The following PDCD5 variants were observed in gnomAD, a reference collection of about 807,000 sequenced individuals.
PDCD5 encodes programmed cell death protein 5.
PDCD5 carries 23 observed loss-of-function variants against 21.9 expected under a neutral mutation model. The observed-to-expected ratio is 1.05, with a 90% CI of 0.76 to 1.49. The LOEUF is 1.49. PDCD5 is among the 40% of genes most tolerant of loss of function. The pLI is 0.00. For synonymous variants in PDCD5, 45 were observed against 49.4 expected (o/e 0.91, Z 0.37); for missense variants, 152 against 147.7 (o/e 1.03, Z -0.15).
chr19:32,586,945 T>TG lies in PDCD5; in HGVS notation c.330+17dup. ...AACAGTGAAAGTAAGTGTCCCCAGA[T>TG]GCTTGTGGCAAATGAAAAGATGGAT... On this transcript the variant is annotated intron_variant, in intron 5 of 5. Coordinates refer to ENST00000590247, the MANE Select transcript of PDCD5 (RefSeq NM_004708.4). 6.3e-7 allele frequency: 1 copy of TG among 1,580,142 alleles called. No individual in the cohort carries two copies. Among genetic ancestry groups the TG allele is most frequent in the Non-Finnish European group, 8.6e-7 (1 of 1,158,182 alleles).
At position 32,586,838 on chromosome 19, in the gene PDCD5, ATCTTTTC is replaced by A. The variant is rs1971481784; in HGVS notation, c.259-18_259-12del. The A allele has an allele frequency of 1.9e-6, 3 of 1,591,774 alleles. No individual in the cohort carries two copies. Among genetic ancestry groups the A allele is most frequent in the Non-Finnish European group, 2.6e-6 (3 of 1,174,060 alleles). On this transcript the variant is annotated splice_polypyrimidine_tract_variant and intron_variant, in intron 4 of 5. Transcript: ENST00000590247. Reference sequence around the variant, plus strand: ...TGTTTAAAAAAGTACTGTTTTTCTTATCTTTTCTGGTTCTCCTAGGTATCAGAACAAG... The same window carrying A: ...TGTTTAAAAAAGTACTGTTTTTCTTATGGTTCTCCTAGGTATCAGAACAAG...
chr19:32,581,678 T>C, intron 1 of PDCD5: 1 of 228,534 alleles, frequency 4.4e-6, no homozygotes, highest in Non-Finnish European at 8.4e-6. Flanking sequence ...GTTCAGTTGT[T>C]ATGACCCAAG....
At chr19:32,587,204 G>A (rs753226051) in intron 5 of PDCD5, 49 bp from the exon 6 acceptor site, 22 of 1,371,072 alleles carry the variant, frequency 1.6e-5, no homozygotes, top group African/African-American at 1.4e-5. Flanking sequence ...GAAAATCTGA[G>A]TTATGCTTTA....
At chr19:32,585,709 G>A (rs888767) in intron 3 of PDCD5, 107 bp from the exon 4 acceptor site, 617,709 of 701,276 alleles carry the variant, frequency 0.88, 272,748 homozygotes, top group East Asian at 1. Context: ...CTACACTGAG[G>A]GACAAGCTTG....
intron 4 of PDCD5, chr19:32,586,426 A>G: frequency 8.8e-7 from 1 of 1,131,132 alleles, no homozygotes; most frequent in Non-Finnish European, 1.1e-6. Flanking sequence ...CACACTGAGA[A>G]CTGCTTGTGT....
chr19:32,585,631 A>G (rs1971468654), intron 3 of PDCD5, among the ~76,000 whole-genome samples, 185 bp from the exon 4 acceptor site: 1 of 152,226 alleles, frequency 6.6e-6, no homozygotes, highest in Non-Finnish European at 1.5e-5. Flanking sequence ...CCATGTGCCC[A>G]TGTGGAGATT....
In PDCD5 at chr19:32,582,065, C is replaced by T. The variant is rs1053210223; in HGVS notation, c.67-130C>T. The T allele has an allele frequency of 4.3e-6, 3 of 691,340 alleles. No homozygotes were observed. In the African/African-American group the frequency reaches 5.5e-5, roughly 13 times the overall value. The allele number at this position is 691,340 out of a possible 1,614,324, so 42.8% of individuals were successfully genotyped here. On this transcript the variant is annotated intron_variant, in intron 1 of 5. Coordinates refer to ENST00000590247, the MANE Select transcript of PDCD5 (RefSeq NM_004708.4). Reference sequence around the variant, plus strand: ...CTAGTTCATTGATTTCTGTGAGGCCCAGTTTCTTATTTGGGGAGTTGTTTC... The same window carrying T: ...CTAGTTCATTGATTTCTGTGAGGCCTAGTTTCTTATTTGGGGAGTTGTTTC...
chr19:32,585,539 G>A (rs996132659), intron 3 of PDCD5, among the ~76,000 whole-genome samples: 1 of 152,170 alleles, frequency 6.6e-6, no homozygotes, highest in Non-Finnish European at 1.5e-5. Context: ...CTTTCCAGAG[G>A]GCAGTCATAT....
At chr19:32,584,729 T>A in intron 2 of PDCD5, 1 of 541,950 alleles carries the variant, frequency 1.8e-6, no homozygotes, top group East Asian at 3.0e-5. Context: ...CCTTCCAGCC[T>A]GGTAGGTTGT....
In PDCD5 at chr19:32,582,180, GTT is replaced by G; in HGVS notation, c.67-6_67-5del. The stretch of plus-strand genomic sequence containing the variant: ...CGTGAAATTTCTCTATTAAATTTAA[GTT>G]TTTTTTTTCCAGGATCCTGGTGATG... On this transcript the variant is annotated splice_polypyrimidine_tract_variant and intron_variant, in intron 1 of 5. Transcript: ENST00000590247. 1 of 1,475,134 alleles carries G rather than the reference GTT, an allele frequency of 6.8e-7. No individual in the cohort carries two copies. The highest frequency in any genetic ancestry group is 9.3e-7 in the Non-Finnish European group (1 of 1,075,404). The allele number at this position is 1,475,134 out of a possible 1,614,324, so 91.4% of individuals were successfully genotyped here. A position where few individuals can be genotyped will look rare whatever the true frequency, so the allele number is the denominator to read the frequency against.
chr19:32,586,749 C>T (rs1971480606), intron 4 of PDCD5, 109 bp from the exon 5 acceptor site: 1 of 1,439,848 alleles, frequency 6.9e-7, no homozygotes. Flanking sequence ...TGCTTCCTTC[C>T]TGAGCTCTTT....
At chr19:32,584,460 C>T (rs1038538720) in intron 2 of PDCD5, among the ~76,000 whole-genome samples, 1 of 152,170 alleles carries the variant, frequency 6.6e-6, no homozygotes, top group Non-Finnish European at 1.5e-5. Context: ...TTCCCCTTCC[C>T]CACCCAGAAA....
intron 2 of PDCD5, among the ~76,000 whole-genome samples, chr19:32,583,453 T>A (rs1178051004): frequency 6.6e-6 from 1 of 150,874 alleles, no homozygotes; most frequent in Non-Finnish European, 1.5e-5. Context: ...CTAATTTTTT[T>A]AAACTTTTTT....
intron 1 of PDCD5, chr19:32,581,542 G>C (rs759599591): frequency 2.7e-6 from 1 of 368,876 alleles, no homozygotes; most frequent in Non-Finnish European, 4.8e-6. Context: ...CGCCACGTGC[G>C]GGACCTGCCC....
chr19:32,586,939 C>A lies in PDCD5; in HGVS notation c.330+10C>A. On this transcript the variant is annotated intron_variant, in intron 5 of 5. Coordinates refer to ENST00000590247, the MANE Select transcript of PDCD5 (RefSeq NM_004708.4). ...GACAACAACAGTGAAAGTAAGTGTC[C>A]CCAGATGCTTGTGGCAAATGAAAAG... The A allele has an allele frequency of 6.3e-7, 1 of 1,591,340 alleles. No homozygotes were observed. The highest frequency in any genetic ancestry group is 8.6e-7 in the Non-Finnish European group (1 of 1,166,436).
At chr19:32,584,729 T>C (rs1317050845) in intron 2 of PDCD5, 4 of 541,832 alleles carry the variant, frequency 7.4e-6, no homozygotes, top group Non-Finnish European at 1.3e-5. Context: ...CCTTCCAGCC[T>C]GGTAGGTTGT....
In PDCD5 at chr19:32,582,293, G is replaced by A. The variant is rs528385789; in HGVS notation, c.104+61G>A. 2.3e-4 allele frequency: 336 copies of A among 1,449,954 alleles called. 5 individuals are homozygous for A. The South Asian group carries it at 3.8e-3, about 16-fold the overall frequency. 89.8% of individuals were successfully genotyped at this position (1,449,954 alleles called of 1,614,324 possible). A position where few individuals can be genotyped will look rare whatever the true frequency, so the allele number is the denominator to read the frequency against. On this transcript the variant is annotated intron_variant, in intron 2 of 5. Coordinates refer to ENST00000590247, the MANE Select transcript of PDCD5 (RefSeq NM_004708.4). ...TTTCACCAAATGGATTTCTTTTGCTGTAGTTATTTTAAGCAGGTGTGTGAC... is the reference window on the plus strand; with the variant it reads ...TTTCACCAAATGGATTTCTTTTGCTATAGTTATTTTAAGCAGGTGTGTGAC...
intron 2 of PDCD5, 162 bp from the exon 3 acceptor site, chr19:32,584,788 C>G: frequency 1.6e-6 from 1 of 640,476 alleles, no homozygotes; most frequent in Non-Finnish European, 2.8e-6. Context: ...GGGGATTCTA[C>G]TTGAATGTAG....
At chr19:32,585,742 T>C (rs2145241395) in intron 3 of PDCD5, 74 bp from the exon 4 acceptor site, 1 of 847,962 alleles carries the variant, frequency 1.2e-6, no homozygotes, top group Non-Finnish European at 2.0e-6. Context: ...GAAAGGTCAA[T>C]GCATAGTTTT....
Sources: gnomAD v4.1 joint callset for allele counts (sites outside exome capture counted in the v4.1 genomes callset) on GRCh38, gnomAD v4.1.1 for gene constraint, MANE v1.5 for transcripts, NCBI Gene and HGNC (gene_info 2026-07-23, HGNC 2026-07-21) for gene names.